The following RNF24 variants were observed in gnomAD, a reference collection of about 807,000 sequenced individuals.
RNF24 encodes the protein ring finger protein 24.
RNF24 carries 14 observed loss-of-function variants against 20.0 expected under a neutral mutation model. The ratio of observed to expected loss-of-function variants is 0.70; its 90% CI spans 0.46 to 1.10. The LOEUF (loss-of-function observed/expected upper bound fraction) is 1.10. Among genes scored for constraint, RNF24 ranks in the 50% least tolerant of loss-of-function variants. RNF24 has a pLI of 0.00. For synonymous variants in RNF24, 45 were observed against 61.1 expected (o/e 0.74, Z 1.23); for missense variants, 124 against 177.6 (o/e 0.70, Z 1.71).
chr20:4,013,584 C>A (rs1600732599), intron 1 of RNF24, among the ~76,000 whole-genome samples: 3 of 151,678 alleles, frequency 2.0e-5, no homozygotes, highest in Admixed American at 2.0e-4. Flanking sequence ...GGAGTTCAAG[C>A]GATTCTCCTG....
At chr20:3,978,634 T>C (rs1238100033) in intron 1 of RNF24, among the ~76,000 whole-genome samples, 1 of 151,844 alleles carries the variant, frequency 6.6e-6, no homozygotes, top group Non-Finnish European at 1.5e-5. Flanking sequence ...AATAAGAAAA[T>C]AAACAAAAAT....
At position 3,933,081 on chromosome 20, in the gene RNF24, T is replaced by A; in HGVS notation, c.*982A>T. Reference sequence around the variant, plus strand: ...TGACAGGCTTTTTTTTTTTTTTTTTTTTTTTTCTGAAGTAGAAAGAGAGAT... The same window carrying A: ...TGACAGGCTTTTTTTTTTTTTTTTTATTTTTTCTGAAGTAGAAAGAGAGAT... On this transcript the variant is annotated 3_prime_UTR_variant, in exon 6 of 6. Transcript: ENST00000358395. 1 of 394,978 alleles carries A rather than the reference T, an allele frequency of 2.5e-6. No homozygotes were observed. Among genetic ancestry groups the A allele is most frequent in the Non-Finnish European group, 4.4e-6 (1 of 225,380 alleles). 24.5% of individuals were successfully genotyped at this position (394,978 alleles called of 1,614,324 possible). A position where few individuals can be genotyped will look rare whatever the true frequency, so the allele number is the denominator to read the frequency against.
chr20:3,964,951 C>T lies in RNF24; in HGVS notation c.-7-927G>A, dbSNP rs146042104. ...CAGCAGTCTCAGTCCATATGCTCCA[C>T]TGCCTTGCTCATGTGTTACTTTTAT... On this transcript the variant is annotated intron_variant, in intron 1 of 5. Coordinates refer to ENST00000358395, the MANE Select transcript of RNF24 (RefSeq NM_001134337.3). Among the ~76,000 whole-genome samples, 508 of 152,276 alleles carry T rather than the reference C, an allele frequency of 3.3e-3. 3 individuals are homozygous for T. The highest frequency in any genetic ancestry group is 0.012 in the African/African-American group (490 of 41,536).
chr20:4,008,558 T>TA (rs1268251211), intron 1 of RNF24, among the ~76,000 whole-genome samples: 63 of 120,966 alleles, frequency 5.2e-4, no homozygotes, highest in African/African-American at 1.1e-3. Flanking sequence ...ATATATATAT[T>TA]TTTTTTTGAG....
chr20:4,000,454 G>A (rs1198182604), intron 1 of RNF24, among the ~76,000 whole-genome samples: 2 of 152,162 alleles, frequency 1.3e-5, no homozygotes, highest in Non-Finnish European at 2.9e-5. Flanking sequence ...GAACCTGGGA[G>A]GTGGAGGCTG....
At chr20:3,982,419 T>C (rs889912630) in intron 1 of RNF24, among the ~76,000 whole-genome samples, 4 of 150,170 alleles carry the variant, frequency 2.7e-5, no homozygotes, top group South Asian at 2.1e-4. Flanking sequence ...CTACTAAAGA[T>C]ACAAAAAATT....
chr20:3,981,839 C>A (rs921308007), intron 1 of RNF24, among the ~76,000 whole-genome samples: 2 of 152,058 alleles, frequency 1.3e-5, no homozygotes, highest in African/African-American at 4.8e-5. Context: ...TTCTATTGGG[C>A]CGGGCACACT....
At chr20:3,966,469 A>AGTGTGTGTATGTGTGTGTGTGTGTGTGT (rs375656891) in intron 1 of RNF24, among the ~76,000 whole-genome samples, 3 of 129,232 alleles carry the variant, frequency 2.3e-5, no homozygotes, top group African/African-American at 8.6e-5. Flanking sequence ...TTAAGGCTTT[A>AGTGTGTGTATGTGTGTGTGTGTGTGTGT]GTGTGTGTGT....
intron 2 of RNF24, among the ~76,000 whole-genome samples, chr20:3,958,684 C>T (rs948964799): frequency 1.3e-5 from 2 of 152,218 alleles, no homozygotes; most frequent in African/African-American, 2.4e-5. Flanking sequence ...CTCTGTTGCC[C>T]AGGCTGGAGT....
Position 3,969,297 on chromosome 20 carries a change from G to C in RNF24, c.-7-5273C>G, listed in dbSNP as rs6037703. Among the ~76,000 whole-genome samples the C allele has an allele frequency of 7.0e-3, 1,070 of 152,310 alleles. 12 individuals are homozygous for C. Among genetic ancestry groups the C allele is most frequent in the African/African-American group, 0.024 (995 of 41,564 alleles). ...TCAGGTAGACTTCTGACTCCAGAAAGATGGCATAGACATACATTTCCCTAT... is the reference window on the plus strand; with the variant it reads ...TCAGGTAGACTTCTGACTCCAGAAACATGGCATAGACATACATTTCCCTAT... On this transcript the variant is annotated intron_variant, in intron 1 of 5. Coordinates refer to ENST00000358395, the MANE Select transcript of RNF24 (RefSeq NM_001134337.3).
intron 2 of RNF24, among the ~76,000 whole-genome samples, chr20:3,957,473 A>G (rs900645816): frequency 3.3e-5 from 5 of 149,832 alleles, no homozygotes; most frequent in South Asian, 2.1e-4. Context: ...AAAAAAAATA[A>G]TAATAATAAA....
At chr20:3,935,149 T>C (rs2090875520) in intron 4 of RNF24, 76 bp from the exon 5 acceptor site, 2 of 1,202,964 alleles carry the variant, frequency 1.7e-6, no homozygotes, top group Non-Finnish European at 2.5e-6. Context: ...TGCAGGCTCC[T>C]AAAGGCTCAA....
chr20:3,977,036 A>G (rs1181422824), intron 1 of RNF24, among the ~76,000 whole-genome samples: 1 of 152,196 alleles, frequency 6.6e-6, no homozygotes, highest in Non-Finnish European at 1.5e-5. Context: ...CAACATCTAT[A>G]CAGGTCTGAT....
intron 2 of RNF24, among the ~76,000 whole-genome samples, chr20:3,956,214 G>A (rs2091140540): frequency 6.7e-6 from 1 of 150,358 alleles, no homozygotes; most frequent in Admixed American, 6.6e-5. Flanking sequence ...GATCTTAGGG[G>A]AAAGCTTTCC....
rs563504618 is a variant in RNF24, at chr20:3,958,893, C to T, written c.143+4982G>A. Among the ~76,000 whole-genome samples the T allele has an allele frequency of 5.4e-3, 824 of 152,338 alleles. 7 individuals are homozygous for T. The highest frequency in any genetic ancestry group is 0.018 in the African/African-American group (745 of 41,586). ...CTAACCTCAGGTGATCCACCTAGCT[C>T]GGTCTCCCAAAGTGCTGGGATTATA... On this transcript the variant is annotated intron_variant, in intron 2 of 5. Coordinates refer to ENST00000358395, the MANE Select transcript of RNF24 (RefSeq NM_001134337.3).
At chr20:3,955,506 C>A (rs1368193137) in intron 2 of RNF24, among the ~76,000 whole-genome samples, 1 of 152,112 alleles carries the variant, frequency 6.6e-6, no homozygotes, top group Non-Finnish European at 1.5e-5. Flanking sequence ...TATCTTTATA[C>A]CAGTACCACA....
At position 3,964,219 on chromosome 20, in the gene RNF24, T is replaced by G. The variant is rs562310204; in HGVS notation, c.-7-195A>C. Among the ~76,000 whole-genome samples, 11 of 152,312 alleles carry G rather than the reference T, an allele frequency of 7.2e-5. No homozygotes were observed. The South Asian group carries it at 2.1e-3, about 29-fold the overall frequency. ...TGAGTATTATGTACCTGGCACTATT[T>G]CAGAGACTGGAGATCCAATATAAAA... On this transcript the variant is annotated intron_variant, in intron 1 of 5. Transcript: ENST00000358395.
intron 1 of RNF24, among the ~76,000 whole-genome samples, chr20:4,009,187 G>C (rs891219671): frequency 6.6e-6 from 1 of 152,174 alleles, no homozygotes; most frequent in Admixed American, 6.5e-5. Flanking sequence ...CAGAATTTCA[G>C]AGGGTGGTAC....
rs193261806 is a variant in RNF24 at position 3,939,379 on chromosome 20, A to G, written c.229-4306T>C. 1.9e-3 allele frequency among the ~76,000 whole-genome samples: 282 copies of G among 152,306 alleles called. 2 individuals carry two copies. The highest frequency in any genetic ancestry group is 6.5e-3 in the African/African-American group (270 of 41,568). On this transcript the variant is annotated intron_variant, in intron 4 of 5. Transcript: ENST00000358395. ...CTTTTGAGTAATCTTTGTATATAGT[A>G]TGAGGTAGATGTCTAAATTTATTCT...
Sources: gnomAD v4.1 joint callset for allele counts (sites outside exome capture counted in the v4.1 genomes callset) on GRCh38, gnomAD v4.1.1 for gene constraint, MANE v1.5 for transcripts, NCBI Gene and HGNC (gene_info 2026-07-23, HGNC 2026-07-21) for gene names.